Variants in SNTG1 observed in about 807,000 individuals in gnomAD.
The protein encoded by SNTG1 is syntrophin gamma 1.
A neutral mutation model predicts 74.7 loss-of-function variants in SNTG1; 39 were observed. The ratio of observed to expected loss-of-function variants is 0.52; its 90% CI spans 0.40 to 0.68. The LOEUF (loss-of-function observed/expected upper bound fraction) is 0.68. Ranked by LOEUF, SNTG1 falls within the 30% of genes least tolerant of loss-of-function variation. SNTG1 has a pLI of 0.00. For missense variants in SNTG1, 685 were observed against 609.5 expected (o/e 1.12, Z -1.30); for synonymous variants, 254 against 217.1 (o/e 1.17, Z -1.49).
At chr8:50,495,665 C>G (rs892842831) in intron 8 of SNTG1, among the ~76,000 whole-genome samples, 1 of 152,140 alleles carries the variant, frequency 6.6e-6, no homozygotes, top group Non-Finnish European at 1.5e-5. Context: ...GTGAATATTA[C>G]AGACTCATTT....
At chr8:50,090,000 A>T (rs2079659425) in intron 1 of SNTG1, among the ~76,000 whole-genome samples, 3 of 152,270 alleles carry the variant, frequency 2.0e-5, no homozygotes, top group Non-Finnish European at 1.5e-5. Context: ...TTTATTTTAG[A>T]AGAGAAAATT....
chr8:49,940,430 T>A (rs1022596875), intron 1 of SNTG1, among the ~76,000 whole-genome samples: 4 of 152,212 alleles, frequency 2.6e-5, no homozygotes, highest in African/African-American at 9.6e-5. Flanking sequence ...TCAGTCACAG[T>A]GGCAGGTGTA....
intron 2 of SNTG1, among the ~76,000 whole-genome samples, chr8:50,361,261 T>C (rs575918245): frequency 3.3e-4 from 50 of 152,316 alleles, no homozygotes; most frequent in African/African-American, 1.1e-3. Context: ...CACTGGAAAG[T>C]CTTCAGGGGC....
intron 4 of SNTG1, 72 bp from the exon 5 acceptor site, chr8:50,438,471 A>G (rs534588072): frequency 6.2e-4 from 880 of 1,417,030 alleles, no homozygotes; most frequent in Middle Eastern, 3.5e-3. Context: ...GAAAACCAAA[A>G]AAACAACAAA....
intron 8 of SNTG1, among the ~76,000 whole-genome samples, chr8:50,468,909 T>A (rs2093630094): frequency 1.3e-5 from 2 of 152,202 alleles, no homozygotes; most frequent in Admixed American, 1.3e-4. Flanking sequence ...TTTAACAGAA[T>A]GTTCCCAATT....
intron 1 of SNTG1, among the ~76,000 whole-genome samples, chr8:50,039,721 A>T (rs898460289): frequency 5.9e-5 from 9 of 152,054 alleles, no homozygotes; most frequent in Admixed American, 1.3e-4. Context: ...GAGTGCTTTA[A>T]TGGATGTGAA....
chr8:50,474,981 A>T (rs2093684555), intron 8 of SNTG1, among the ~76,000 whole-genome samples: 1 of 150,772 alleles, frequency 6.6e-6, no homozygotes, highest in Non-Finnish European at 1.5e-5. Context: ...GCAAGGACAA[A>T]GAACCAAACA....
intron 13 of SNTG1, among the ~76,000 whole-genome samples, chr8:50,646,451 G>A (rs1262859971): frequency 6.6e-6 from 1 of 152,158 alleles, no homozygotes; most frequent in Non-Finnish European, 1.5e-5. Flanking sequence ...TTAGCATGCT[G>A]TCCTTCTTCA....
chr8:50,758,500 G>C (rs1435226001), intron 18 of SNTG1, among the ~76,000 whole-genome samples: 1 of 151,930 alleles, frequency 6.6e-6, no homozygotes, highest in Admixed American at 6.6e-5. Flanking sequence ...AAGCTCCAGT[G>C]TGTGTTGTCT....
chr8:50,121,954 G>A (rs963997833), intron 1 of SNTG1, among the ~76,000 whole-genome samples: 1 of 142,188 alleles, frequency 7.0e-6, no homozygotes. Context: ...AAAATTTTTA[G>A]TAATAGTGCA....
At chr8:50,308,291 T>A (rs1230196612) in intron 2 of SNTG1, among the ~76,000 whole-genome samples, 1 of 151,920 alleles carries the variant, frequency 6.6e-6, no homozygotes, top group Non-Finnish European at 1.5e-5. Context: ...TTCCTATTAG[T>A]GGGATTAGTT....
intron 1 of SNTG1, among the ~76,000 whole-genome samples, chr8:49,953,771 A>G (rs957908032): frequency 6.6e-6 from 1 of 152,182 alleles, no homozygotes; most frequent in Non-Finnish European, 1.5e-5. Flanking sequence ...GAGTAAAGGA[A>G]GACACATCCT....
chr8:50,394,353 C>T lies in SNTG1; in HGVS notation c.27+88C>T, dbSNP rs987723717. On this transcript the variant is annotated intron_variant, in intron 3 of 18. Coordinates refer to ENST00000642720, the MANE Select transcript of SNTG1 (RefSeq NM_018967.5). ...CTCCAATTTATATAGGGAAATTCTG[C>T]TTTTGGCAGAAAATGGAGAGAGGAG... 5 of 1,371,832 alleles carry T rather than the reference C, an allele frequency of 3.6e-6. No homozygotes were observed. In the African/African-American group the frequency reaches 7.3e-5, roughly 20 times the overall value. The allele number at this position is 1,371,832 out of a possible 1,614,324, so 85.0% of individuals were successfully genotyped here.
chr8:50,029,172 C>A lies in SNTG1; in HGVS notation c.-103+116941C>A, dbSNP rs142115648. Among the ~76,000 whole-genome samples the A allele has an allele frequency of 5.8e-3, 874 of 151,628 alleles. 4 individuals carry two copies. Among genetic ancestry groups the A allele is most frequent in the Non-Finnish European group, 8.8e-3 (598 of 67,864 alleles). The stretch of plus-strand genomic sequence containing the variant: ...GCATGTGGTTTCATATCTAAGAAGT[C>A]TTTTTACATTTGTTTTATATTTTTA... On this transcript the variant is annotated intron_variant, in intron 1 of 18. Transcript: ENST00000642720.
intron 1 of SNTG1, among the ~76,000 whole-genome samples, chr8:50,105,289 T>A (rs912927818): frequency 1.3e-5 from 2 of 152,070 alleles, no homozygotes; most frequent in African/African-American, 4.8e-5. Flanking sequence ...AATAGGAAGT[T>A]CTTTTCCCAT....
chr8:50,701,732 T>TC (rs2095425761), intron 15 of SNTG1, among the ~76,000 whole-genome samples: 1 of 62,948 alleles, frequency 1.6e-5, no homozygotes, highest in Admixed American at 1.7e-4. Context: ...TTCTTCTTCT[T>TC]TTTCTTTTTC....
intron 1 of SNTG1, among the ~76,000 whole-genome samples, chr8:49,988,371 T>A (rs78941230): frequency 0.035 from 5,298 of 152,236 alleles, 134 homozygotes; most frequent in Middle Eastern, 0.085. Flanking sequence ...CTATTATCAA[T>A]ATGTTAGAAG....
At chr8:50,129,013 G>A (rs1430161429) in intron 1 of SNTG1, among the ~76,000 whole-genome samples, 1 of 151,930 alleles carries the variant, frequency 6.6e-6, no homozygotes, top group Non-Finnish European at 1.5e-5. Context: ...GACCAGTAGC[G>A]AGAGTCAGAA....
chr8:50,161,582 T>A (rs1367365236), intron 1 of SNTG1, among the ~76,000 whole-genome samples: 1 of 152,084 alleles, frequency 6.6e-6, no homozygotes, highest in Non-Finnish European at 1.5e-5. Context: ...GTGGTGCATG[T>A]GTTGTGTGTG....
Sources: gnomAD v4.1 joint callset for allele counts (sites outside exome capture counted in the v4.1 genomes callset) on GRCh38, gnomAD v4.1.1 for gene constraint, MANE v1.5 for transcripts, NCBI Gene and HGNC (gene_info 2026-07-23, HGNC 2026-07-21) for gene names.